Variants in ERICH3 observed in about 807,000 individuals in gnomAD.
ERICH3 encodes glutamate rich 3.
ERICH3 carries 126 observed loss-of-function variants against 131.1 expected under a neutral mutation model. The ratio of observed to expected loss-of-function variants is 0.96; its 90% CI spans 0.83 to 1.11. ERICH3 has a LOEUF of 1.11. Among genes scored for constraint, ERICH3 ranks in the 50% most tolerant of loss-of-function variants. The pLI, the probability that ERICH3 is intolerant of heterozygous loss-of-function variation, is 0.00. For synonymous variants in ERICH3, 695 were observed against 644.6 expected (o/e 1.08, Z -1.18); for missense variants, 2,050 against 1,810.7 (o/e 1.13, Z -2.40).
chr1:74,573,901 T>C (rs1489511575), intron 13 of ERICH3, among the ~76,000 whole-genome samples: 2 of 151,794 alleles, frequency 1.3e-5, no homozygotes, highest in East Asian at 3.8e-4. Context: ...CTTCCTTTCT[T>C]AGAAATAATA....
intron 9 of ERICH3, among the ~76,000 whole-genome samples, chr1:74,611,639 T>C (rs975705259): frequency 1.3e-5 from 2 of 152,188 alleles, no homozygotes; most frequent in Admixed American, 6.5e-5. Context: ...TTCTATTCCT[T>C]TTGTGCTGGC....
At chr1:74,620,148 A>C (rs1340065714) in intron 8 of ERICH3, among the ~76,000 whole-genome samples, 2 of 152,236 alleles carry the variant, frequency 1.3e-5, no homozygotes, top group African/African-American at 2.4e-5. Context: ...TGAACTAAAT[A>C]TTGAAGAAAA....
chr1:74,641,850 T>G (rs1646440543), intron 4 of ERICH3, among the ~76,000 whole-genome samples: 1 of 152,138 alleles, frequency 6.6e-6, no homozygotes, highest in Admixed American at 6.6e-5. Context: ...CTAAAATATA[T>G]CTTGTGCCAA....
Position 74,589,641 on chromosome 1 carries a change from C to T in ERICH3, c.2166G>A (p.Leu722=). The change falls in exon 12 of 15, where the codon TTG becomes TTA. Residue 722 remains leucine, a synonymous_variant. Transcript: ENST00000326665. ...AACGGCCATACTTACCACCTTCCTC[C>T]AACCCAGGGAGACCTGCCTTTTTGT... ...VKDKKAGLPG[L]EEGGKDSLPL... is the part of the protein sequence containing the mutation. 2 of 1,613,562 alleles carry T rather than the reference C, an allele frequency of 1.2e-6. No homozygotes were observed. The highest frequency in any genetic ancestry group is 1.7e-6 in the Non-Finnish European group (2 of 1,179,724).
At chr1:74,600,764 A>T (rs1648090858) in intron 10 of ERICH3, among the ~76,000 whole-genome samples, 5 of 151,908 alleles carry the variant, frequency 3.3e-5, no homozygotes, top group Admixed American at 2.6e-4. Context: ...AAGTGACAAC[A>T]TGCCAAGGAT....
intron 13 of ERICH3, among the ~76,000 whole-genome samples, chr1:74,575,053 C>T (rs1647026374): frequency 6.6e-6 from 1 of 151,768 alleles, no homozygotes; most frequent in African/African-American, 2.4e-5. Context: ...TACTTGCTTG[C>T]CTTCTTGGCT....
intron 12 of ERICH3, among the ~76,000 whole-genome samples, chr1:74,581,806 G>T (rs1428884305): frequency 6.6e-6 from 1 of 152,138 alleles, no homozygotes; most frequent in East Asian, 1.9e-4. Context: ...AGAGTGGATA[G>T]CTTCTTGAAT....
chr1:74,634,529 T>C (rs1431123866), intron 6 of ERICH3: 1 of 601,738 alleles, frequency 1.7e-6, no homozygotes, highest in African/African-American at 1.9e-5. Flanking sequence ...AGAGTCACAT[T>C]AAAGGAAAAA....
chr1:74,620,344 C>A (rs188679270), intron 8 of ERICH3, among the ~76,000 whole-genome samples: 69 of 152,258 alleles, frequency 4.5e-4, no homozygotes, highest in African/African-American at 1.5e-3. Flanking sequence ...TCTCAACATA[C>A]CTCTAAAGAA....
intron 2 of ERICH3, among the ~76,000 whole-genome samples, chr1:74,648,102 C>T (rs967186310): frequency 1.3e-5 from 2 of 152,110 alleles, no homozygotes; most frequent in Non-Finnish European, 2.9e-5. Context: ...TGACCCTGAA[C>T]ACTGCTAGCT....
chr1:74,653,427 G>GAGAGAGAGAGAGGAGAA (rs1003745046), intron 1 of ERICH3, among the ~76,000 whole-genome samples: 4 of 151,810 alleles, frequency 2.6e-5, no homozygotes, highest in East Asian at 1.9e-4. Context: ...GAACGAGAGA[G>GAGAGAGAGAGAGGAGAA]AGAGAGAGAG....
intron 10 of ERICH3, among the ~76,000 whole-genome samples, chr1:74,602,063 A>C (rs1648163905): frequency 6.6e-6 from 1 of 151,912 alleles, no homozygotes; most frequent in East Asian, 1.9e-4. Context: ...CTTTGACAGC[A>C]ACACACTTTA....
intron 1 of ERICH3, among the ~76,000 whole-genome samples, chr1:74,662,251 T>C (rs780921206): frequency 1.3e-5 from 2 of 152,164 alleles, no homozygotes; most frequent in Non-Finnish European, 2.9e-5. Context: ...CACTGCAGCC[T>C]GAGGCCAGCC....
chr1:74,617,122 A>T (rs905390395), intron 8 of ERICH3, among the ~76,000 whole-genome samples: 1 of 151,698 alleles, frequency 6.6e-6, no homozygotes, highest in Admixed American at 6.6e-5. Flanking sequence ...TGAAGGCTAA[A>T]TTTCACAGAT....
At position 74,661,035 on chromosome 1, in the gene ERICH3, A is replaced by G. The variant is rs185010704; in HGVS notation, c.24-11720T>C. 2.8e-4 allele frequency among the ~76,000 whole-genome samples: 43 copies of G among 152,250 alleles called. No homozygotes were observed. The East Asian group carries it at 8.3e-3, about 29-fold the overall frequency. On this transcript the variant is annotated intron_variant, in intron 1 of 14. Coordinates refer to ENST00000326665, the MANE Select transcript of ERICH3 (RefSeq NM_001002912.5). Reference sequence around the variant, plus strand: ...AAAAAGGGAAGAAAAACCAAAACAGAAAAGCCAGACACCAAAGAGAACAAA... The same window carrying G: ...AAAAAGGGAAGAAAAACCAAAACAGGAAAGCCAGACACCAAAGAGAACAAA...
chr1:74,659,917 G>C (rs1057218417), intron 1 of ERICH3, among the ~76,000 whole-genome samples: 7 of 152,158 alleles, frequency 4.6e-5, no homozygotes, highest in Non-Finnish European at 1.0e-4. Flanking sequence ...CCCAGAGAGA[G>C]AGATCACAAG....
At chr1:74,651,740 G>A (rs954906537) in intron 1 of ERICH3, among the ~76,000 whole-genome samples, 1 of 152,088 alleles carries the variant, frequency 6.6e-6, no homozygotes, top group Non-Finnish European at 1.5e-5. Flanking sequence ...AGCTGGGAGT[G>A]CTAAAACCCG....
intron 1 of ERICH3, among the ~76,000 whole-genome samples, chr1:74,650,476 A>G (rs1447569717): frequency 6.6e-6 from 1 of 152,172 alleles, no homozygotes; most frequent in African/African-American, 2.4e-5. Context: ...AGATGTTAGT[A>G]TATACAGTAG....
chr1:74,603,483 T>A lies in ERICH3; in HGVS notation c.1489+3118A>T, dbSNP rs74543984. 8.2e-3 allele frequency among the ~76,000 whole-genome samples: 1,251 copies of A among 152,008 alleles called. 15 individuals carry two copies. The highest frequency in any genetic ancestry group is 0.029 in the African/African-American group (1,185 of 41,512). On this transcript the variant is annotated intron_variant, in intron 10 of 14. Transcript: ENST00000326665. ...GTTTGGTGCTCAGTGCTTGGCACTT[T>A]CATTATTGTTGTTATTGCTGCTTTA...
Sources: allele counts gnomAD v4.1 joint callset (sites outside exome capture counted in the v4.1 genomes callset), GRCh38; gene constraint gnomAD v4.1.1; transcripts MANE v1.5; gene names NCBI Gene and HGNC (gene_info 2026-07-23, HGNC 2026-07-21).